Variants in PACRGL observed in about 807,000 individuals in gnomAD.
The protein encoded by PACRGL is PACRG-like protein.
PACRGL carries 38 observed loss-of-function variants against 34.5 expected under a neutral mutation model. The ratio of observed to expected loss-of-function variants is 1.10; its 90% CI spans 0.85 to 1.44. The LOEUF (loss-of-function observed/expected upper bound fraction) is 1.44, where lower values mean the gene tolerates loss of function less well. PACRGL is among the 40% of genes most tolerant of loss of function. The pLI is 0.00. For missense variants in PACRGL, 305 were observed against 281.4 expected (o/e 1.08, Z -0.60); for synonymous variants, 128 against 100.1 (o/e 1.28, Z -1.66).
chr4:20,730,238 G>C lies in PACRGL; in HGVS notation c.*2897G>C. 2.3e-6 allele frequency: 3 copies of C among 1,327,950 alleles called. No individual in the cohort carries two copies. Among genetic ancestry groups the C allele is most frequent in the Non-Finnish European group, 3.0e-6 (3 of 994,508 alleles). 82.3% of individuals were successfully genotyped at this position (1,327,950 alleles called of 1,614,324 possible). ...CCCATCAACCACCTCAACCACCTAT[G>C]CCAAAAGCTCAAATATTAAGTGTTT... On this transcript the variant is annotated 3_prime_UTR_variant, in exon 9 of 9. Transcript: ENST00000503585.
intron 7 of PACRGL, among the ~76,000 whole-genome samples, chr4:20,718,141 T>C (rs982362363): frequency 4.8e-4 from 73 of 152,164 alleles, no homozygotes; most frequent in African/African-American, 1.6e-3. Flanking sequence ...CTGTCTGTTA[T>C]TGGTGTATAA....
At chr4:20,749,478 CTG>C (rs1753176259) in intron 8 of PACRGL, among the ~76,000 whole-genome samples, 2 of 152,136 alleles carry the variant, frequency 1.3e-5, no homozygotes, top group African/African-American at 2.4e-5. Flanking sequence ...AGAAAATAAA[CTG>C]AATGTGGCTT....
At chr4:20,709,606 A>G in intron 4 of PACRGL, 77 bp from the exon 5 acceptor site, 2 of 901,548 alleles carry the variant, frequency 2.2e-6, no homozygotes, top group Non-Finnish European at 3.5e-6. Flanking sequence ...TGATATGGTT[A>G]TACTGTATGT....
chr4:20,763,829 A>C, the PACRGL span, among the ~76,000 whole-genome samples: 3 of 152,140 alleles, frequency 2.0e-5, no homozygotes, highest in Non-Finnish European at 4.4e-5. Flanking sequence ...AAGTGCTGGG[A>C]TTACAGGTGT....
intron 1 of PACRGL, among the ~76,000 whole-genome samples, chr4:20,703,038 A>C (rs181136302): frequency 6.6e-6 from 1 of 152,224 alleles, no homozygotes; most frequent in Admixed American, 6.5e-5. Flanking sequence ...ATTTTATAAC[A>C]TGGAGCTTTG....
chr4:20,715,189 C>T (rs62410129), intron 7 of PACRGL, among the ~76,000 whole-genome samples: 14,564 of 152,062 alleles, frequency 0.096, 896 homozygotes, highest in East Asian at 0.13. Context: ...AACCAAACAC[C>T]GCATGTTCTC....
chr4:20,759,059 C>T, the PACRGL span, among the ~76,000 whole-genome samples: 70 of 151,898 alleles, frequency 4.6e-4, no homozygotes, highest in South Asian at 0.012. Context: ...ATGTTTGTTC[C>T]AGTTCTCACA....
upstream of PACRGL, among the ~76,000 whole-genome samples, chr4:20,699,924 T>C (rs1731538990): frequency 6.6e-6 from 1 of 152,188 alleles, no homozygotes; most frequent in African/African-American, 2.4e-5. Flanking sequence ...CTGTGAAGAA[T>C]GCAATAGCAT....
intron 8 of PACRGL, among the ~76,000 whole-genome samples, chr4:20,750,228 T>C (rs989524229): frequency 1.3e-5 from 2 of 152,166 alleles, no homozygotes; most frequent in African/African-American, 4.8e-5. Flanking sequence ...ATACCCAAAG[T>C]CACACAGTGA....
downstream of PACRGL, among the ~76,000 whole-genome samples, chr4:20,735,722 A>C (rs368438521): frequency 2.0e-5 from 3 of 152,044 alleles, no homozygotes; most frequent in South Asian, 4.2e-4. Context: ...TTTTTGGTAG[A>C]GATGGGGTTT....
chr4:20,716,194 C>A, intron 7 of PACRGL: 1 of 1,063,326 alleles, frequency 9.4e-7, no homozygotes, highest in Non-Finnish European at 1.4e-6. Flanking sequence ...AAAGCTGTTA[C>A]TGGCTGTTAT....
chr4:20,745,649 G>A (rs1752262962), intron 8 of PACRGL, among the ~76,000 whole-genome samples: 1 of 152,116 alleles, frequency 6.6e-6, no homozygotes, highest in Non-Finnish European at 1.5e-5. Flanking sequence ...CCGAATTCTG[G>A]TTTCCATTCT....
chr4:20,747,443 A>G (rs1026370932), intron 8 of PACRGL, among the ~76,000 whole-genome samples: 1 of 152,204 alleles, frequency 6.6e-6, no homozygotes, highest in Non-Finnish European at 1.5e-5. Context: ...AAACACAAAC[A>G]CAACATTATC....
At chr4:20,697,417 C>G (rs916134640), upstream of PACRGL, among the ~76,000 whole-genome samples, 1 of 151,760 alleles carries the variant, frequency 6.6e-6, no homozygotes, top group Non-Finnish European at 1.5e-5. Flanking sequence ...AGAACCAGCA[C>G]AATGAGAAAA....
intron 8 of PACRGL, among the ~76,000 whole-genome samples, chr4:20,741,373 C>T (rs1156465248): frequency 6.6e-6 from 1 of 152,224 alleles, no homozygotes; most frequent in Non-Finnish European, 1.5e-5. Flanking sequence ...CAAACTGTCT[C>T]TCAGACTACA....
At chr4:20,722,267 G>A (rs778104320) in intron 7 of PACRGL, among the ~76,000 whole-genome samples, 5 of 152,222 alleles carry the variant, frequency 3.3e-5, no homozygotes, top group African/African-American at 7.2e-5. Flanking sequence ...GATCCCTTGC[G>A]CTTCCCGGGT....
intron 7 of PACRGL, chr4:20,716,397 G>A (rs187639233): frequency 1.4e-5 from 8 of 570,142 alleles, no homozygotes; most frequent in Admixed American, 6.8e-5. Context: ...TGTGCACAAC[G>A]TGCAGGTTTG....
intron 7 of PACRGL, among the ~76,000 whole-genome samples, chr4:20,721,781 C>T (rs975657622): frequency 6.6e-6 from 1 of 152,194 alleles, no homozygotes; most frequent in South Asian, 2.1e-4. Flanking sequence ...CAGGGACCCA[C>T]TTGAGGAGGC....
intron 7 of PACRGL, among the ~76,000 whole-genome samples, chr4:20,714,955 C>G (rs1739123323): frequency 6.6e-6 from 1 of 152,102 alleles, no homozygotes. Flanking sequence ...AATCATGCTG[C>G]TATAAAGACA....
Sources: allele counts gnomAD v4.1 joint callset (sites outside exome capture counted in the v4.1 genomes callset), GRCh38; gene constraint gnomAD v4.1.1; transcripts MANE v1.5; gene names NCBI Gene and HGNC (gene_info 2026-07-23, HGNC 2026-07-21).